Variants in DLC1 observed in about 807,000 individuals in gnomAD.
The protein encoded by DLC1 is DLC1 Rho GTPase activating protein, also known as rho GTPase-activating protein 7.
Under a neutral mutation model 140.3 loss-of-function variants are expected in DLC1, and 54 were observed. That is an observed-to-expected ratio of 0.38 (90% CI 0.31 to 0.48). DLC1 has a LOEUF of 0.48. Among genes scored for constraint, DLC1 ranks in the 20% least tolerant of loss-of-function variants. The probability of loss-of-function intolerance (pLI) is 0.96; values close to 1 mark genes in which losing one functional copy is unlikely to be tolerated. For synonymous variants in DLC1, 986 were observed against 728.1 expected (o/e 1.35, Z -5.70); for missense variants, 2,536 against 1,907.0 (o/e 1.33, Z -6.14).
At chr8:13,280,287 CAAAAAAAA>C (rs55791933) in intron 5 of DLC1, among the ~76,000 whole-genome samples, 2 of 65,350 alleles carry the variant, frequency 3.1e-5, no homozygotes, top group Admixed American at 2.2e-4. Flanking sequence ...GACTCCATCT[CAAAAAAAA>C]AAAAAAAAAA....
chr8:13,539,613 C>T (rs540039663), intron 1 of DLC1, among the ~76,000 whole-genome samples: 83 of 152,206 alleles, frequency 5.5e-4, no homozygotes, highest in Middle Eastern at 3.4e-3. Context: ...GAGCTTCTGT[C>T]CCTCACCAGC....
intron 1 of DLC1, among the ~76,000 whole-genome samples, chr8:13,576,094 G>A (rs1234956286): frequency 6.6e-6 from 1 of 152,152 alleles, no homozygotes; most frequent in African/African-American, 2.4e-5. Context: ...TAAATATACT[G>A]GCCCTTAGAT....
At chr8:13,386,063 G>T (rs1473899851) in intron 4 of DLC1, among the ~76,000 whole-genome samples, 5 of 152,112 alleles carry the variant, frequency 3.3e-5, no homozygotes. Context: ...AGAAGTAACT[G>T]GCAGTTGTTA....
chr8:13,351,566 T>A (rs1247567011), intron 4 of DLC1, among the ~76,000 whole-genome samples: 1 of 152,106 alleles, frequency 6.6e-6, no homozygotes, highest in African/African-American at 2.4e-5. Context: ...AAAATAGAAA[T>A]CATAGTGTCC....
rs148328134 is a variant in DLC1 at position 13,481,878 on chromosome 8, T to TCA, written c.1023+17169_1023+17170dup. On this transcript the variant is annotated intron_variant, in intron 2 of 17. Transcript: ENST00000276297. ...TAAAAAGGGGGAAATATGGACATAG[T>TCA]CACACACACACACGAAGAAGCCCAT... Among the ~76,000 whole-genome samples, 526 of 152,050 alleles carry TCA rather than the reference T, an allele frequency of 3.5e-3. 2 individuals carry two copies. The highest frequency in any genetic ancestry group is 0.012 in the African/African-American group (499 of 41,470).
At chr8:13,410,394 C>A (rs1006698474) in intron 2 of DLC1, among the ~76,000 whole-genome samples, 1 of 151,970 alleles carries the variant, frequency 6.6e-6, no homozygotes, top group Admixed American at 6.6e-5. Context: ...ACAGAAACAA[C>A]AACAACAAAA....
chr8:13,399,888 G>T (rs1837219057), intron 3 of DLC1, among the ~76,000 whole-genome samples: 1 of 152,090 alleles, frequency 6.6e-6, no homozygotes, highest in Non-Finnish European at 1.5e-5. Flanking sequence ...TTTGTGTCTT[G>T]TTCTTCCTGC....
At chr8:13,133,376 C>G in intron 5 of DLC1, 1 of 990,484 alleles carries the variant, frequency 1.0e-6, no homozygotes, top group Non-Finnish European at 1.2e-6. Flanking sequence ...CGCCTCCTCC[C>G]CGCTGTCTGG....
chr8:13,302,265 G>C (rs1832231243), intron 5 of DLC1, among the ~76,000 whole-genome samples: 1 of 152,192 alleles, frequency 6.6e-6, no homozygotes, highest in South Asian at 2.1e-4. Flanking sequence ...ACTAGAGTTT[G>C]AGTTCCTATG....
chr8:13,129,317 A>C (rs4831399), intron 5 of DLC1, among the ~76,000 whole-genome samples: 47,638 of 152,114 alleles, frequency 0.31, 7,870 homozygotes, highest in Admixed American at 0.45. Context: ...GCTCCAGAAA[A>C]GCATGTTCCT....
chr8:13,132,007 G>C (rs979825281), intron 5 of DLC1, among the ~76,000 whole-genome samples: 5 of 152,176 alleles, frequency 3.3e-5, no homozygotes, highest in South Asian at 2.1e-4. Context: ...TGGGGACAGC[G>C]ACATGGAGTG....
intron 4 of DLC1, among the ~76,000 whole-genome samples, chr8:13,391,166 G>T (rs1456107062): frequency 1.3e-5 from 2 of 148,566 alleles, no homozygotes; most frequent in Admixed American, 1.3e-4. Context: ...TAGCTGGACA[G>T]AGCTGCATGT....
At chr8:13,294,541 T>C (rs1376977954) in intron 5 of DLC1, among the ~76,000 whole-genome samples, 1 of 152,084 alleles carries the variant, frequency 6.6e-6, no homozygotes, top group Admixed American at 6.6e-5. Context: ...GGGTAGATAA[T>C]TTCTGGAAGG....
At chr8:13,395,427 A>G (rs1342250580) in intron 3 of DLC1, among the ~76,000 whole-genome samples, 1 of 151,992 alleles carries the variant, frequency 6.6e-6, no homozygotes, top group Non-Finnish European at 1.5e-5. Flanking sequence ...GCCTCTTTAT[A>G]ATTCTTGTCT....
At position 13,499,924 on chromosome 8, in the gene DLC1, G is replaced by T. The variant is rs1330301693; in HGVS notation, c.148C>A (p.Leu50Ile). ...LQASMEKDAT[L>I]NVDRKEKCVS... ...CACTTCTCTTTGCGGTCCACATTTA[G>T]AGTTGCATCTTTTTCCATACTTGCC... The change falls in exon 2 of 18, where the codon CTA becomes ATA. Residue 50 changes from leucine to isoleucine, a missense_variant. Transcript: ENST00000276297. The T allele has an allele frequency of 1.2e-6, 2 of 1,614,046 alleles. No individual in the cohort carries two copies. The highest frequency in any genetic ancestry group is 8.5e-7 in the Non-Finnish European group (1 of 1,180,002).
chr8:13,100,530 G>A lies in DLC1; in HGVS notation c.1807C>T (p.Leu603Phe), dbSNP rs907071542. ...TCGCTGGGGGGCGCGTGGCTGGGGA[G>A]GCTGCCAGTGCTGCTGAGGCTGCGG... ...SVRSLSSTGS[L>F]PSHAPPSEDA... Residue 603 changes from leucine (L) to phenylalanine (F), a missense_variant, in exon 9 of 18, where the codon CTC becomes TTC. Physicochemically the swap from Leu to Phe is conservative, Grantham distance 22 (BLOSUM62 0). Transcript: ENST00000276297. 3 of 1,612,712 alleles carry A rather than the reference G, an allele frequency of 1.9e-6. No homozygotes were observed. Among genetic ancestry groups the A allele is most frequent in the Admixed American group, 1.7e-5 (1 of 60,000 alleles).
At chr8:13,441,137 G>C (rs1798490471) in intron 2 of DLC1, among the ~76,000 whole-genome samples, 1 of 152,100 alleles carries the variant, frequency 6.6e-6, no homozygotes, top group Non-Finnish European at 1.5e-5. Context: ...ATGCAGAAAA[G>C]GACTTTGACA....
At chr8:13,224,210 A>G (rs139875046) in intron 5 of DLC1, among the ~76,000 whole-genome samples, 6 of 152,368 alleles carry the variant, frequency 3.9e-5, no homozygotes, top group Non-Finnish European at 8.8e-5. Flanking sequence ...TTGGGAAAAA[A>G]GAATTAAAAT....
intron 5 of DLC1, among the ~76,000 whole-genome samples, chr8:13,270,447 G>A (rs1698032343): frequency 6.6e-6 from 1 of 152,162 alleles, no homozygotes; most frequent in South Asian, 2.1e-4. Context: ...GAAAGCCCAG[G>A]CCTGCTGGTG....
Sources: allele counts gnomAD v4.1 joint callset (sites outside exome capture counted in the v4.1 genomes callset), GRCh38; gene constraint gnomAD v4.1.1; transcripts MANE v1.5; gene names NCBI Gene and HGNC (gene_info 2026-07-23, HGNC 2026-07-21).